The following TBC1D4 variants were observed in gnomAD, a reference collection of about 807,000 sequenced individuals.
TBC1D4 encodes TBC (Tre-2, BUB2, CDC16) domain-containing protein.
Under a neutral mutation model 142.5 loss-of-function variants are expected in TBC1D4, and 121 were observed. That is an observed-to-expected ratio of 0.85 (90% confidence interval 0.73 to 0.99). TBC1D4 has a LOEUF of 0.99. TBC1D4 is among the 50% of genes least tolerant of loss of function. The pLI is 0.00. For missense variants in TBC1D4, 1,475 were observed against 1,606.6 expected (o/e 0.92, Z 1.40); for synonymous variants, 630 against 628.2 (o/e 1.00, Z -0.04).
intron 1 of TBC1D4, among the ~76,000 whole-genome samples, chr13:75,384,934 C>A (rs1334893066): frequency 2.0e-5 from 3 of 152,118 alleles, no homozygotes; most frequent in Non-Finnish European, 4.4e-5. Flanking sequence ...CTTCTTTCAG[C>A]CCAGTGAATA....
intron 1 of TBC1D4, among the ~76,000 whole-genome samples, chr13:75,397,987 A>G (rs970290937): frequency 6.6e-6 from 1 of 152,198 alleles, no homozygotes; most frequent in Non-Finnish European, 1.5e-5. Flanking sequence ...AACAAAAGTC[A>G]TGACTACCAT....
chr13:75,327,807 C>G lies in TBC1D4; in HGVS notation c.1751G>C (p.Gly584Ala), dbSNP rs753056319. The G allele has an allele frequency of 1.2e-6, 2 of 1,613,822 alleles. No homozygotes were observed. Among genetic ancestry groups the G allele is most frequent in the Non-Finnish European group, 1.7e-6 (2 of 1,179,912 alleles). The change falls in exon 9 of 21, where the codon GGT becomes GCT. Residue 584 changes from glycine to alanine, a missense_variant. Around this residue, in one of 2 missense-constraint regions of TBC1D4, gnomAD observed 1,227 missense variants for 1,267.7 expected, o/e 0.97. Transcript: ENST00000377636. The part of the protein sequence containing the change: ...IFSRGANRMR[G>A]RLGSVDSFER... ...AAAACTGTCCACACTTCCAAGCCGA[C>G]CTCTCATTCTGTTAGCTCCCTGAGT...
chr13:75,412,058 C>T (rs754857646), intron 1 of TBC1D4, among the ~76,000 whole-genome samples: 111 of 152,162 alleles, frequency 7.3e-4, no homozygotes, highest in Non-Finnish European at 1.3e-3. Context: ...CAGCAGTGTT[C>T]GCATGTCTGG....
At chr13:75,430,777 G>T (rs1264567103) in intron 1 of TBC1D4, among the ~76,000 whole-genome samples, 3 of 152,072 alleles carry the variant, frequency 2.0e-5, no homozygotes, top group Non-Finnish European at 4.4e-5. Flanking sequence ...TGTAATTAGG[G>T]TTCCTCCGGT....
At chr13:75,373,280 C>T (rs1883316763) in intron 1 of TBC1D4, among the ~76,000 whole-genome samples, 1 of 152,182 alleles carries the variant, frequency 6.6e-6, no homozygotes, top group African/African-American at 2.4e-5. Flanking sequence ...AGATTATTCA[C>T]CTTGCAGATG....
chr13:75,451,676 T>C (rs1217886335), intron 1 of TBC1D4, among the ~76,000 whole-genome samples: 1 of 149,530 alleles, frequency 6.7e-6, no homozygotes, highest in South Asian at 2.1e-4. Context: ...CAAGTTCCTA[T>C]CTCAAAAAAA....
At chr13:75,447,390 A>G (rs1181374971) in intron 1 of TBC1D4, among the ~76,000 whole-genome samples, 1 of 151,990 alleles carries the variant, frequency 6.6e-6, no homozygotes, top group Admixed American at 6.6e-5. Context: ...TTCTAATATA[A>G]ATGCTAAAAC....
rs745310365 is a variant in TBC1D4, at chr13:75,326,505, A to C, written c.1807-82T>G. ...CCAAAACACAGAGCTCAAAAGTGAC[A>C]GTGTGCCTCATCTTCCTCCTGAGTC... On this transcript the variant is annotated intron_variant, in intron 9 of 20. Transcript: ENST00000377636. The C allele has an allele frequency of 2.3e-4, 331 of 1,410,546 alleles. 1 individual carries two copies. The highest frequency in any genetic ancestry group is 5.3e-4 in the Middle Eastern group (3 of 5,668). The allele number at this position is 1,410,546 out of a possible 1,614,324, so 87.4% of individuals were successfully genotyped here.
chr13:75,334,467 TATA>T (rs1054872208), intron 8 of TBC1D4, among the ~76,000 whole-genome samples: 16 of 66,832 alleles, frequency 2.4e-4, no homozygotes, highest in South Asian at 7.2e-4. Flanking sequence ...TGATTGTATA[TATA>T]ATATGTCTAT....
intron 1 of TBC1D4, among the ~76,000 whole-genome samples, chr13:75,454,653 C>T (rs1048084297): frequency 6.6e-6 from 1 of 152,184 alleles, no homozygotes; most frequent in Admixed American, 6.5e-5. Flanking sequence ...AAGCAATAGG[C>T]AGCTTCAAAC....
In TBC1D4 at chr13:75,296,641, G is replaced by T. The variant is rs537297046; in HGVS notation, c.3157-1628C>A. ...TCAATTCCACCTTATAGATACCAAG[G>T]CAAACCTGCAGATTAAAGAGGTGAA... On this transcript the variant is annotated intron_variant, in intron 17 of 20. Coordinates refer to ENST00000377636, the MANE Select transcript of TBC1D4 (RefSeq NM_014832.5). Among the ~76,000 whole-genome samples the T allele has an allele frequency of 3.3e-5, 5 of 151,762 alleles. No individual in the cohort carries two copies. The South Asian group carries it at 1.1e-3, about 32-fold the overall frequency.
chr13:75,377,458 T>C (rs1243146770), intron 1 of TBC1D4, among the ~76,000 whole-genome samples: 1 of 151,994 alleles, frequency 6.6e-6, no homozygotes, highest in Non-Finnish European at 1.5e-5. Context: ...TTAATGCAGG[T>C]TTCAAAATGG....
intron 1 of TBC1D4, among the ~76,000 whole-genome samples, chr13:75,410,219 T>C (rs1885576126): frequency 6.6e-6 from 1 of 152,180 alleles, no homozygotes; most frequent in Admixed American, 6.5e-5. Flanking sequence ...AGCTTTCCTA[T>C]ATTACAGCCA....
chr13:75,350,301 T>C (rs143920242), intron 4 of TBC1D4, among the ~76,000 whole-genome samples: 2 of 152,284 alleles, frequency 1.3e-5, no homozygotes, highest in East Asian at 3.9e-4. Flanking sequence ...GATTTAAGAA[T>C]AAATTATTAT....
At chr13:75,439,825 C>A (rs1886960777) in intron 1 of TBC1D4, among the ~76,000 whole-genome samples, 2 of 151,318 alleles carry the variant, frequency 1.3e-5, no homozygotes, top group East Asian at 3.9e-4. Context: ...TCACTTGAAC[C>A]CGGGAGGCAG....
At chr13:75,415,125 C>CA (rs35852438) in intron 1 of TBC1D4, among the ~76,000 whole-genome samples, 35,109 of 128,722 alleles carry the variant, frequency 0.27, 6,302 homozygotes, top group African/African-American at 0.53. Context: ...CTCCATCTCA[C>CA]AAAAAAAAAA....
chr13:75,409,836 T>A (rs2138389932), intron 1 of TBC1D4, among the ~76,000 whole-genome samples: 1 of 152,344 alleles, frequency 6.6e-6, no homozygotes. Context: ...AAAGGTCCCT[T>A]CTAATCTTAG....
Position 75,408,194 on chromosome 13 carries a change from T to C in TBC1D4, c.499-45587A>G, listed in dbSNP as rs529027717. 5.9e-5 allele frequency among the ~76,000 whole-genome samples: 9 copies of C among 152,348 alleles called. No individual in the cohort carries two copies. In the East Asian group the frequency reaches 1.7e-3, roughly 29 times the overall value. Reference sequence around the variant, plus strand: ...AACTATTCTGGACATTTTATATAAATGATGTCATATTAATATGTGGTCTTC... The same window carrying C: ...AACTATTCTGGACATTTTATATAAACGATGTCATATTAATATGTGGTCTTC... On this transcript the variant is annotated intron_variant, in intron 1 of 20. Coordinates refer to ENST00000377636, the MANE Select transcript of TBC1D4 (RefSeq NM_014832.5).
rs1251438953 is a variant in TBC1D4 at position 75,356,346 on chromosome 13, GT to G, written c.1171-96del. The G allele has an allele frequency of 5.7e-5, 51 of 899,208 alleles. 2 individuals carry two copies. In the South Asian group the frequency reaches 6.3e-4, roughly 11 times the overall value. 55.7% of individuals were successfully genotyped at this position (899,208 alleles called of 1,614,324 possible). ...GCAACATCAGTTCTTTGCTTTCACAGTTCTACGAATTTCTCCTTCACAGCAA... is the reference window on the plus strand; with the variant it reads ...GCAACATCAGTTCTTTGCTTTCACAGTCTACGAATTTCTCCTTCACAGCAA... On this transcript the variant is annotated intron_variant, in intron 3 of 20. Coordinates refer to ENST00000377636, the MANE Select transcript of TBC1D4 (RefSeq NM_014832.5).
Sources: allele counts gnomAD v4.1 joint callset (sites outside exome capture counted in the v4.1 genomes callset), GRCh38; gene constraint gnomAD v4.1.1; regional missense constraint gnomAD v4.1.1; transcripts MANE v1.5; gene names NCBI Gene and HGNC (gene_info 2026-07-23, HGNC 2026-07-21).